Variants in NRXN1 observed in about 807,000 individuals in gnomAD.
NRXN1 encodes the protein neurexin-1.
NRXN1 carries 39 observed loss-of-function variants against 150.9 expected under a neutral mutation model. That is an observed-to-expected ratio of 0.26 (90% CI 0.20 to 0.34). The LOEUF (loss-of-function observed/expected upper bound fraction) is 0.34, where lower values mean the gene tolerates loss of function less well. Among genes scored for constraint, NRXN1 ranks in the 10% least tolerant of loss-of-function variants. NRXN1 has a pLI of 1.00. For synonymous variants in NRXN1, 924 were observed against 757.0 expected (o/e 1.22, Z -3.62); for missense variants, 1,815 against 1,949.9 (o/e 0.93, Z 1.30).
intron 5 of NRXN1, among the ~76,000 whole-genome samples, chr2:50,793,270 T>C (rs1706317687): frequency 6.6e-6 from 1 of 152,110 alleles, no homozygotes; most frequent in African/African-American, 2.4e-5. Context: ...GCATTAATTG[T>C]CAATGGTATG....
chr2:50,206,479 GCTC>G (rs949623977), intron 18 of NRXN1, among the ~76,000 whole-genome samples: 3 of 151,736 alleles, frequency 2.0e-5, no homozygotes, highest in Admixed American at 6.6e-5. Flanking sequence ...TCAATCTATT[GCTC>G]CTCATTATAT....
At chr2:50,972,308 G>A (rs192399324) in intron 2 of NRXN1, among the ~76,000 whole-genome samples, 1 of 152,108 alleles carries the variant, frequency 6.6e-6, no homozygotes, top group East Asian at 1.9e-4. Flanking sequence ...CTTTATGTTG[G>A]CCTGAAACTT....
At chr2:50,872,779 C>G (rs1677981759) in intron 5 of NRXN1, among the ~76,000 whole-genome samples, 1 of 151,630 alleles carries the variant, frequency 6.6e-6, no homozygotes, top group African/African-American at 2.4e-5. Flanking sequence ...AAAACAAGAT[C>G]TTGTCTCTAC....
intron 7 of NRXN1, among the ~76,000 whole-genome samples, chr2:50,620,460 C>G (rs1307251441): frequency 6.6e-6 from 1 of 152,062 alleles, no homozygotes. Flanking sequence ...AGCATCATCC[C>G]TACTGCAACT....
At chr2:50,465,653 C>A (rs770164800) in intron 16 of NRXN1, 92 bp from the exon 17 acceptor site, 66 of 1,336,880 alleles carry the variant, frequency 4.9e-5, no homozygotes, top group South Asian at 4.2e-4. Flanking sequence ...GTTGCCAACA[C>A]CACAGATGAT....
intron 19 of NRXN1, among the ~76,000 whole-genome samples, chr2:50,088,953 C>T (rs941651785): frequency 1.3e-5 from 2 of 152,036 alleles, no homozygotes; most frequent in Non-Finnish European, 2.9e-5. Flanking sequence ...AAAATATTTA[C>T]TAAAATGCAA....
intron 5 of NRXN1, among the ~76,000 whole-genome samples, chr2:50,760,718 T>C (rs1701708437): frequency 6.6e-6 from 1 of 151,768 alleles, no homozygotes; most frequent in Non-Finnish European, 1.5e-5. Context: ...CTGTTATGCA[T>C]TATAGGAGTG....
At chr2:51,005,795 C>A (rs949408148) in intron 2 of NRXN1, among the ~76,000 whole-genome samples, 2 of 151,834 alleles carry the variant, frequency 1.3e-5, no homozygotes, top group African/African-American at 2.4e-5. Flanking sequence ...TCAGTAGTAA[C>A]CTTCAATCTA....
rs148373634 is a variant in NRXN1, at chr2:50,579,773, A to G, written c.1321-26748T>C. On this transcript the variant is annotated intron_variant, in intron 8 of 22. Coordinates refer to ENST00000401669, the MANE Select transcript of NRXN1 (RefSeq NM_001330078.2). Reference sequence around the variant, plus strand: ...TTATTGTCATCCAGCTTTTTCATAAATATGCATGTAATATGAAGGTGAATC... The same window carrying G: ...TTATTGTCATCCAGCTTTTTCATAAGTATGCATGTAATATGAAGGTGAATC... Among the ~76,000 whole-genome samples, 332 of 152,298 alleles carry G rather than the reference A, an allele frequency of 2.2e-3. 1 individual carries two copies. Among genetic ancestry groups the G allele is most frequent in the African/African-American group, 7.7e-3 (322 of 41,572 alleles).
intron 5 of NRXN1, among the ~76,000 whole-genome samples, chr2:50,728,316 A>G: frequency 6.6e-6 from 1 of 152,110 alleles, no homozygotes; most frequent in East Asian, 1.9e-4. Context: ...AACTTATAAT[A>G]AGGTAATAAT....
intron 19 of NRXN1, among the ~76,000 whole-genome samples, chr2:50,069,897 C>G (rs1025386726): frequency 6.8e-6 from 1 of 146,556 alleles, no homozygotes; most frequent in Non-Finnish European, 1.5e-5. Flanking sequence ...GTCACCCAGG[C>G]TGGAGTGCAG....
intron 8 of NRXN1, among the ~76,000 whole-genome samples, chr2:50,562,722 G>T (rs1350443875): frequency 6.6e-6 from 1 of 151,968 alleles, no homozygotes; most frequent in Non-Finnish European, 1.5e-5. Context: ...ACACTCAGGG[G>T]AACACAATTT....
intron 19 of NRXN1, among the ~76,000 whole-genome samples, chr2:50,091,070 T>C (rs1699489525): frequency 1.3e-5 from 2 of 152,216 alleles, no homozygotes; most frequent in African/African-American, 4.8e-5. Context: ...TATGTGTGCA[T>C]TTTTCTGATT....
intron 8 of NRXN1, among the ~76,000 whole-genome samples, chr2:50,599,469 C>T (rs1408535423): frequency 6.6e-6 from 1 of 151,958 alleles, no homozygotes; most frequent in Non-Finnish European, 1.5e-5. Context: ...TCTAACAATG[C>T]CAAATGCAGA....
intron 5 of NRXN1, among the ~76,000 whole-genome samples, chr2:50,868,400 G>T (rs1423525569): frequency 6.9e-6 from 1 of 144,102 alleles, no homozygotes. Flanking sequence ...GGGAAGGGTG[G>T]GATGGAGGGA....
intron 16 of NRXN1, among the ~76,000 whole-genome samples, chr2:50,471,163 T>C (rs2089420692): frequency 6.6e-6 from 1 of 151,778 alleles, no homozygotes; most frequent in South Asian, 2.1e-4. Context: ...GGATGAACTA[T>C]ATAGTCGTGA....
intron 19 of NRXN1, among the ~76,000 whole-genome samples, chr2:50,056,566 T>C (rs1693659162): frequency 6.6e-6 from 1 of 152,166 alleles, no homozygotes; most frequent in Admixed American, 6.6e-5. Context: ...TTTGTTAAAC[T>C]AATAATTTTT....
intron 21 of NRXN1, among the ~76,000 whole-genome samples, chr2:49,951,685 T>C (rs1236322177): frequency 6.6e-6 from 1 of 152,078 alleles, no homozygotes; most frequent in East Asian, 1.9e-4. Context: ...TTTAGGCTTC[T>C]AGCTGTATCA....
At chr2:50,878,860 A>G (rs1478995313) in intron 5 of NRXN1, among the ~76,000 whole-genome samples, 1 of 151,986 alleles carries the variant, frequency 6.6e-6, no homozygotes, top group African/African-American at 2.4e-5. Flanking sequence ...TTCCCCAAAG[A>G]TTCTCATGTA....
Sources: gnomAD v4.1 joint callset for allele counts (sites outside exome capture counted in the v4.1 genomes callset) on GRCh38, gnomAD v4.1.1 for gene constraint, MANE v1.5 for transcripts, NCBI Gene and HGNC (gene_info 2026-07-23, HGNC 2026-07-21) for gene names.